The following CNTLN variants were observed in gnomAD, a reference collection of about 807,000 sequenced individuals.
CNTLN encodes the protein centlein, centrosomal protein.
CNTLN carries 212 observed loss-of-function variants against 180.0 expected under a neutral mutation model. The observed-to-expected ratio is 1.18, with a 90% CI of 1.05 to 1.32. CNTLN has a LOEUF of 1.32. Among genes scored for constraint, CNTLN ranks in the 40% most tolerant of loss-of-function variants. The probability of loss-of-function intolerance (pLI) is 0.00; values close to 1 mark genes in which losing one functional copy is unlikely to be tolerated. For missense variants in CNTLN, 2,095 were observed against 1,610.9 expected, an observed-to-expected ratio of 1.30 and a Z score of -5.14; for synonymous variants, 722 against 563.1, an observed-to-expected ratio of 1.28 and a Z score of -3.99.
chr9:17,442,384 G>A (rs1418304237), intron 18 of CNTLN, among the ~76,000 whole-genome samples: 1 of 152,126 alleles, frequency 6.6e-6, no homozygotes, highest in Non-Finnish European at 1.5e-5. Context: ...ATCCACAAAT[G>A]TGTAGAAATT....
intron 5 of CNTLN, among the ~76,000 whole-genome samples, chr9:17,260,697 T>C (rs943831826): frequency 6.6e-6 from 1 of 151,442 alleles, no homozygotes; most frequent in African/African-American, 2.4e-5. Flanking sequence ...TTAGTTTAAT[T>C]AGATCCCATT....
intron 2 of CNTLN, among the ~76,000 whole-genome samples, chr9:17,166,551 A>G (rs1820081246): frequency 6.6e-6 from 1 of 152,156 alleles, no homozygotes; most frequent in Non-Finnish European, 1.5e-5. Context: ...TTATTATGCA[A>G]TTTTAGAATG....
chr9:17,490,061 T>C (rs1833073473), intron 25 of CNTLN, among the ~76,000 whole-genome samples: 1 of 152,094 alleles, frequency 6.6e-6, no homozygotes, highest in Admixed American at 6.6e-5. Context: ...CCAAAATTAC[T>C]TTGTCTATAG....
chr9:17,298,639 G>C, intron 7 of CNTLN: 1 of 1,043,790 alleles, frequency 9.6e-7, no homozygotes, highest in Non-Finnish European at 1.2e-6. Flanking sequence ...AACATACTAG[G>C]AGTATAGTCT....
intron 12 of CNTLN, among the ~76,000 whole-genome samples, chr9:17,356,756 G>C (rs927237752): frequency 6.6e-6 from 1 of 152,116 alleles, no homozygotes; most frequent in East Asian, 1.9e-4. Context: ...ACTTATTGGA[G>C]AATGCAAATA....
intron 2 of CNTLN, among the ~76,000 whole-genome samples, chr9:17,162,619 A>T (rs936571899): frequency 1.2e-4 from 18 of 152,224 alleles, no homozygotes; most frequent in Non-Finnish European, 2.4e-4. Flanking sequence ...GGACCTCATT[A>T]AACATATAGG....
At chr9:17,274,145 C>A (rs570328579) in intron 6 of CNTLN, among the ~76,000 whole-genome samples, 3 of 152,126 alleles carry the variant, frequency 2.0e-5, no homozygotes, top group South Asian at 4.1e-4. Context: ...TTTCTTCTAA[C>A]ATTTCTAGCC....
chr9:17,152,993 T>A (rs1337162446), intron 2 of CNTLN, among the ~76,000 whole-genome samples: 1 of 152,154 alleles, frequency 6.6e-6, no homozygotes, highest in Admixed American at 6.5e-5. Context: ...TGCTTTTTTT[T>A]GCTTTCCATT....
At chr9:17,256,889 A>G (rs1390730923) in intron 5 of CNTLN, among the ~76,000 whole-genome samples, 3 of 151,858 alleles carry the variant, frequency 2.0e-5, no homozygotes, top group Non-Finnish European at 4.4e-5. Flanking sequence ...GAACTTCAGA[A>G]TGAATGATTC....
intron 5 of CNTLN, among the ~76,000 whole-genome samples, chr9:17,248,073 C>A (rs2132252135): frequency 6.6e-6 from 1 of 152,256 alleles, no homozygotes; most frequent in Non-Finnish European, 1.5e-5. Flanking sequence ...ATTCACCTAC[C>A]TCAACCTCCC....
At chr9:17,439,229 A>C (rs906038229) in intron 18 of CNTLN, among the ~76,000 whole-genome samples, 3 of 152,170 alleles carry the variant, frequency 2.0e-5, no homozygotes, top group African/African-American at 7.2e-5. Flanking sequence ...ATGCTGATAA[A>C]AAGTCATTAA....
At chr9:17,177,217 G>C (rs1326605518) in intron 2 of CNTLN, among the ~76,000 whole-genome samples, 1 of 152,054 alleles carries the variant, frequency 6.6e-6, no homozygotes, top group Non-Finnish European at 1.5e-5. Flanking sequence ...AGACTATCTT[G>C]GCTAACATGG....
intron 13 of CNTLN, among the ~76,000 whole-genome samples, chr9:17,372,257 GA>G (rs1464143954): frequency 6.6e-6 from 1 of 152,050 alleles, no homozygotes; most frequent in Non-Finnish European, 1.5e-5. Context: ...TATCAGATGT[GA>G]AAAAGTAGAC....
chr9:17,503,718 A>G lies in CNTLN; in HGVS notation c.*1066A>G, dbSNP rs1354999217. 2 of 152,606 alleles carry G rather than the reference A, an allele frequency of 1.3e-5. No homozygotes were observed. The highest frequency in any genetic ancestry group is 1.3e-4 in the Admixed American group (2 of 15,268). The allele number at this position is 152,606 out of a possible 1,614,324, so 9.5% of individuals were successfully genotyped here. On this transcript the variant is annotated 3_prime_UTR_variant, in exon 26 of 26. Transcript: ENST00000380647. ...TTTCCCTCTTTAGTATGTAGGTCCC[A>G]TGAGATTAAGGCAAGGGTTGGCAGA...
intron 2 of CNTLN, among the ~76,000 whole-genome samples, chr9:17,217,092 A>G (rs1587200683): frequency 6.6e-6 from 1 of 152,262 alleles, no homozygotes; most frequent in Non-Finnish European, 1.5e-5. Flanking sequence ...ATCACATTCA[A>G]ACTTTTACAA....
Position 17,462,954 on chromosome 9 carries a change from G to A in CNTLN, c.3345G>A (p.Val1115=), listed in dbSNP as rs1267979269. The change falls in exon 20 of 26, where the codon GTG becomes GTA. Residue 1115 remains valine (V), a synonymous_variant. Transcript: ENST00000380647. ...AACTCACTAAACAGTCATCAAATGTGAAGACTTTGAAATTTGAACTCCTAG... is the reference window on the plus strand; with the variant it reads ...AACTCACTAAACAGTCATCAAATGTAAAGACTTTGAAATTTGAACTCCTAG... ...TNELTKQSSN[V]KTLKFELLAK... is the part of the protein sequence containing the mutation. 8 of 1,582,466 alleles carry A rather than the reference G, an allele frequency of 5.1e-6. No homozygotes were observed. In the Admixed American group the frequency reaches 1.5e-4, roughly 30 times the overall value.
At chr9:17,320,713 G>T (rs1250403151) in intron 8 of CNTLN, among the ~76,000 whole-genome samples, 2 of 151,988 alleles carry the variant, frequency 1.3e-5, no homozygotes, top group African/African-American at 4.8e-5. Context: ...ACGTTGGCCA[G>T]GCTGGTCTCG....
chr9:17,318,234 T>A (rs976731144), intron 8 of CNTLN, among the ~76,000 whole-genome samples: 2 of 152,004 alleles, frequency 1.3e-5, no homozygotes, highest in Admixed American at 1.3e-4. Flanking sequence ...TTTCACCGTG[T>A]TAGCCAAGAT....
chr9:17,183,974 G>A (rs892383292), intron 2 of CNTLN, among the ~76,000 whole-genome samples: 1 of 152,102 alleles, frequency 6.6e-6, no homozygotes. Context: ...CAAGTGTAAA[G>A]TAAGTAATTT....
Sources: gnomAD v4.1 joint callset for allele counts (sites outside exome capture counted in the v4.1 genomes callset) on GRCh38, gnomAD v4.1.1 for gene constraint, MANE v1.5 for transcripts, NCBI Gene and HGNC (gene_info 2026-07-23, HGNC 2026-07-21) for gene names.